The following PLCB1 variants were observed in gnomAD, a reference collection of about 807,000 sequenced individuals.
PLCB1 encodes 1-phosphatidylinositol 4,5-bisphosphate phosphodiesterase beta-1.
PLCB1 carries 46 observed loss-of-function variants against 161.8 expected under a neutral mutation model. The observed-to-expected ratio is 0.28, with a 90% confidence interval of 0.22 to 0.36. The LOEUF (loss-of-function observed/expected upper bound fraction) is 0.36. PLCB1 is among the 10% of genes least tolerant of loss of function. The pLI is 1.00. For synonymous variants in PLCB1, 517 were observed against 503.7 expected (o/e 1.03, Z -0.35); for missense variants, 1,016 against 1,472.5 (o/e 0.69, Z 5.07).
chr20:8,229,882 A>T (rs71330233), intron 2 of PLCB1, among the ~76,000 whole-genome samples: 104 of 148,426 alleles, frequency 7.0e-4, no homozygotes, highest in Admixed American at 8.7e-4. Flanking sequence ...ATAAAATAAA[A>T]TAAAAATAAA....
chr20:8,252,730 C>A (rs1600263696), intron 2 of PLCB1, among the ~76,000 whole-genome samples: 1 of 151,956 alleles, frequency 6.6e-6, no homozygotes, highest in Non-Finnish European at 1.5e-5. Context: ...GTATATAGAG[C>A]ACTGAGTGTA....
At chr20:8,713,797 G>T (rs943053094) in intron 12 of PLCB1, among the ~76,000 whole-genome samples, 1 of 152,182 alleles carries the variant, frequency 6.6e-6, no homozygotes, top group Non-Finnish European at 1.5e-5. Context: ...ACTTGATCCT[G>T]TCACCTGCAG....
intron 3 of PLCB1, among the ~76,000 whole-genome samples, chr20:8,485,912 G>C (rs1982704136): frequency 6.6e-6 from 1 of 152,220 alleles, no homozygotes; most frequent in African/African-American, 2.4e-5. Flanking sequence ...AACTGCCTGA[G>C]ACTAGGTAAT....
Position 8,708,676 on chromosome 20 carries a change from A to G in PLCB1, c.1174A>G (p.Ile392Val). The change falls in exon 12 of 32, where the codon ATA becomes GTA. Residue 392 changes from isoleucine (I) to valine (V), a missense_variant. Around this residue, in one of 10 missense-constraint regions of PLCB1, gnomAD observed 56 missense variants for 126.3 expected, o/e 0.44. Transcript: ENST00000338037. The part of the protein sequence containing the change: ...MTTEISFKEV[I>V]EAIAECAFKT... ...CATGTGTTCTCATTTTTAGGAAGTG[A>G]TAGAAGCAATTGCGGAGTGTGCATT... 6.2e-7 allele frequency: 1 copy of G among 1,609,554 alleles called. No homozygotes were observed. Among genetic ancestry groups the G allele is most frequent in the Non-Finnish European group, 8.5e-7 (1 of 1,176,064 alleles).
intron 3 of PLCB1, among the ~76,000 whole-genome samples, chr20:8,447,279 C>T (rs1338801263): frequency 6.6e-6 from 1 of 152,094 alleles, no homozygotes; most frequent in African/African-American, 2.4e-5. Context: ...GATTTAGGGG[C>T]CTGGGTTTTA....
chr20:8,455,968 G>A (rs1033615986), intron 3 of PLCB1, among the ~76,000 whole-genome samples: 6 of 152,206 alleles, frequency 3.9e-5, no homozygotes, highest in South Asian at 4.1e-4. Context: ...CAAAGCTTTC[G>A]CATCATAATC....
chr20:8,712,769 C>G (rs562650568), intron 12 of PLCB1, among the ~76,000 whole-genome samples: 1 of 152,166 alleles, frequency 6.6e-6, no homozygotes, highest in Non-Finnish European at 1.5e-5. Context: ...GTGAGTTCCT[C>G]GGTCAGAAAA....
chr20:8,590,717 A>G (rs916670199), intron 3 of PLCB1, among the ~76,000 whole-genome samples: 1 of 152,078 alleles, frequency 6.6e-6, no homozygotes, highest in Admixed American at 6.6e-5. Flanking sequence ...AGTCCTTCTC[A>G]TGCTGACATG....
intron 2 of PLCB1, among the ~76,000 whole-genome samples, chr20:8,268,770 G>C (rs1010147591): frequency 1.3e-5 from 2 of 152,092 alleles, no homozygotes; most frequent in Non-Finnish European, 2.9e-5. Context: ...GTCTTCTTTT[G>C]AGAAGTGTCT....
rs1987120669 is a variant in PLCB1 at position 8,590,651 on chromosome 20, C to T, written c.247-37643C>T. Reference sequence around the variant, plus strand: ...CCTGGGGGAAAATCTGTTTCCTCACCTTTTCCAGCTTCATAGACCCCTTCC... The same window carrying T: ...CCTGGGGGAAAATCTGTTTCCTCACTTTTTCCAGCTTCATAGACCCCTTCC... On this transcript the variant is annotated intron_variant, in intron 3 of 31. Coordinates refer to ENST00000338037, the MANE Select transcript of PLCB1 (RefSeq NM_015192.4). Among the ~76,000 whole-genome samples the T allele has an allele frequency of 1.3e-5, 2 of 152,226 alleles. 1 individual carries two copies. The highest frequency in any genetic ancestry group is 4.1e-4 in the South Asian group (2 of 4,824).
At chr20:8,694,940 TATAA>T (rs1296056690) in intron 10 of PLCB1, among the ~76,000 whole-genome samples, 3 of 152,238 alleles carry the variant, frequency 2.0e-5, no homozygotes, top group African/African-American at 7.2e-5. Context: ...AGAAATAACA[TATAA>T]ATGTTTGTCT....
intron 3 of PLCB1, among the ~76,000 whole-genome samples, chr20:8,601,030 C>T (rs545685949): frequency 3.0e-3 from 456 of 152,282 alleles, no homozygotes; most frequent in Non-Finnish European, 5.2e-3. Flanking sequence ...AACCCGGTAC[C>T]TCAGATGGAA....
At position 8,375,951 on chromosome 20, in the gene PLCB1, A is replaced by G. The variant is rs182166957; in HGVS notation, c.246+4501A>G. ...ATGCAAACCAAGTGAACCAAAAAAA[A>G]AAAAAAAAAAAAAGGTCACACTCTA... On this transcript the variant is annotated intron_variant, in intron 3 of 31. Transcript: ENST00000338037. 6.9e-4 allele frequency among the ~76,000 whole-genome samples: 104 copies of G among 151,810 alleles called. 1 individual carries two copies. In the East Asian group the frequency reaches 0.019, roughly 27 times the overall value.
chr20:8,707,233 A>G (rs971354050), intron 11 of PLCB1, among the ~76,000 whole-genome samples: 6 of 152,196 alleles, frequency 3.9e-5, no homozygotes, highest in Non-Finnish European at 7.4e-5. Flanking sequence ...AGAAAGCCTT[A>G]CTTATACTCT....
chr20:8,808,975 T>C (rs999501249), intron 31 of PLCB1, among the ~76,000 whole-genome samples: 4 of 152,130 alleles, frequency 2.6e-5, no homozygotes, highest in African/African-American at 9.7e-5. Context: ...TTTACCAATT[T>C]TTTCCTAGAG....
intron 3 of PLCB1, among the ~76,000 whole-genome samples, chr20:8,548,971 T>C (rs1252536501): frequency 6.6e-6 from 1 of 152,044 alleles, no homozygotes; most frequent in African/African-American, 2.4e-5. Flanking sequence ...AAAGACACAA[T>C]CCCTGAAGAC....
At chr20:8,442,946 G>T (rs1980628776) in intron 3 of PLCB1, among the ~76,000 whole-genome samples, 2 of 150,998 alleles carry the variant, frequency 1.3e-5, no homozygotes, top group South Asian at 4.2e-4. Flanking sequence ...TTAATGCTTT[G>T]ATTATAAAAT....
intron 2 of PLCB1, among the ~76,000 whole-genome samples, chr20:8,297,889 T>TG (rs112242244): frequency 0.17 from 24,873 of 148,092 alleles, 2,121 homozygotes; most frequent in South Asian, 0.3. Flanking sequence ...GATTTCTTTT[T>TG]GGGTTTTTTT....
intron 17 of PLCB1, among the ~76,000 whole-genome samples, chr20:8,728,001 A>C (rs1331184020): frequency 6.6e-6 from 1 of 152,126 alleles, no homozygotes; most frequent in African/African-American, 2.4e-5. Context: ...AAATATCACA[A>C]AGTGCTCAAT....
Sources: allele counts gnomAD v4.1 joint callset (sites outside exome capture counted in the v4.1 genomes callset), GRCh38; gene constraint gnomAD v4.1.1; regional missense constraint gnomAD v4.1.1; transcripts MANE v1.5; gene names NCBI Gene and HGNC (gene_info 2026-07-23, HGNC 2026-07-21).